Variants in RBFOX1 observed in about 807,000 individuals in gnomAD.
The protein encoded by RBFOX1 is RNA binding fox-1 homolog 1.
In RBFOX1, 8 loss-of-function variants were observed where a neutral mutation model predicts 57.7. That is an observed-to-expected ratio of 0.14 (90% CI 0.08 to 0.25). The LOEUF is 0.25. Among genes scored for constraint, RBFOX1 ranks in the 10% least tolerant of loss-of-function variants. The probability of loss-of-function intolerance (pLI) is 1.00; values close to 1 mark genes in which losing one functional copy is unlikely to be tolerated. For missense variants in RBFOX1, 611 were observed against 548.5 expected (o/e 1.11, Z -1.14); for synonymous variants, 326 against 222.4 (o/e 1.47, Z -4.15).
chr16:6,827,359 T>A (rs570946002), intron 3 of RBFOX1, among the ~76,000 whole-genome samples: 1 of 152,072 alleles, frequency 6.6e-6, no homozygotes, highest in African/African-American at 2.4e-5. Context: ...AATGGGAAGA[T>A]GTGTTGTGTG....
chr16:7,511,117 G>A (rs62012664), intron 4 of RBFOX1, among the ~76,000 whole-genome samples: 4,324 of 152,316 alleles, frequency 0.028, 75 homozygotes, highest in Non-Finnish European at 0.041. Flanking sequence ...GGACGGCTAC[G>A]AAAGCTGGTA....
At chr16:7,562,103 A>G (rs2090518061) in intron 5 of RBFOX1, among the ~76,000 whole-genome samples, 1 of 152,180 alleles carries the variant, frequency 6.6e-6, no homozygotes, top group African/African-American at 2.4e-5. Flanking sequence ...CTAGAGAACA[A>G]TGCAGCTCAT....
chr16:7,135,634 G>C (rs780746107), intron 4 of RBFOX1, among the ~76,000 whole-genome samples: 3 of 152,260 alleles, frequency 2.0e-5, no homozygotes, highest in Non-Finnish European at 4.4e-5. Flanking sequence ...AATTGCCGCT[G>C]TTCGCGGCAT....
At chr16:7,009,258 T>C (rs1190869152) in intron 3 of RBFOX1, among the ~76,000 whole-genome samples, 1 of 141,644 alleles carries the variant, frequency 7.1e-6, no homozygotes, top group Non-Finnish European at 1.5e-5. Flanking sequence ...CTCTCCTTCC[T>C]CTCCTTCCTC....
chr16:7,450,720 T>A (rs2098845492), intron 4 of RBFOX1, among the ~76,000 whole-genome samples: 1 of 152,060 alleles, frequency 6.6e-6, no homozygotes, highest in South Asian at 2.1e-4. Context: ...CAGGCATGGA[T>A]GCTAATGGTT....
At chr16:7,585,680 C>T (rs1486020687) in intron 6 of RBFOX1, among the ~76,000 whole-genome samples, 3 of 152,164 alleles carry the variant, frequency 2.0e-5, no homozygotes, top group Non-Finnish European at 4.4e-5. Flanking sequence ...ATTGGGCTGT[C>T]TGTATTCAAG....
intron 2 of RBFOX1, among the ~76,000 whole-genome samples, chr16:5,562,817 C>A (rs1047723873): frequency 6.6e-6 from 1 of 152,132 alleles, no homozygotes; most frequent in Non-Finnish European, 1.5e-5. Flanking sequence ...TGGGATTTTA[C>A]AAGAGGAACT....
intron 3 of RBFOX1, among the ~76,000 whole-genome samples, chr16:6,804,599 A>G (rs1464789502): frequency 2.0e-5 from 3 of 152,196 alleles, no homozygotes; most frequent in African/African-American, 4.8e-5. Context: ...TTGGATTAAT[A>G]TCAAGTTTCA....
chr16:7,092,136 C>A (rs1463863587), intron 4 of RBFOX1, among the ~76,000 whole-genome samples: 1 of 152,184 alleles, frequency 6.6e-6, no homozygotes. Context: ...TTATAACATG[C>A]ACACACACCC....
At chr16:6,894,810 T>C (rs2066363029) in intron 3 of RBFOX1, among the ~76,000 whole-genome samples, 1 of 152,240 alleles carries the variant, frequency 6.6e-6, no homozygotes, top group East Asian at 1.9e-4. Flanking sequence ...TTGTATTTTA[T>C]CATTTTAGGT....
At chr16:7,171,938 G>C (rs139400514) in intron 4 of RBFOX1, among the ~76,000 whole-genome samples, 1 of 152,324 alleles carries the variant, frequency 6.6e-6, no homozygotes, top group Non-Finnish European at 1.5e-5. Context: ...TTCCAGAGAG[G>C]AGATGTGGGC....
At chr16:7,252,542 C>A (rs1162086090) in intron 4 of RBFOX1, among the ~76,000 whole-genome samples, 1 of 152,172 alleles carries the variant, frequency 6.6e-6, no homozygotes, top group African/African-American at 2.4e-5. Flanking sequence ...GTTGGAAGAT[C>A]TGACAAAGCT....
intron 4 of RBFOX1, among the ~76,000 whole-genome samples, chr16:5,941,754 G>A (rs552763841): frequency 6.6e-6 from 1 of 152,004 alleles, no homozygotes; most frequent in South Asian, 2.1e-4. Flanking sequence ...AGTTTAGGAA[G>A]ACTAAAACCT....
chr16:6,132,757 G>A (rs2096638422), intron 1 of RBFOX1, among the ~76,000 whole-genome samples: 2 of 152,104 alleles, frequency 1.3e-5, no homozygotes, highest in South Asian at 4.1e-4. Flanking sequence ...GGGAGGCTGA[G>A]GCAGGCGGAT....
chr16:6,938,324 A>T lies in RBFOX1; in HGVS notation c.-15-113733A>T, dbSNP rs1005734640. Reference sequence around the variant, plus strand: ...TCGTCACAAGGAAAGTAAAAATAGTAATTGAAACCGAAGCCTATTGTTGGC... The same window carrying T: ...TCGTCACAAGGAAAGTAAAAATAGTTATTGAAACCGAAGCCTATTGTTGGC... On this transcript the variant is annotated intron_variant, in intron 3 of 15. Coordinates refer to ENST00000550418, the MANE Select transcript of RBFOX1 (RefSeq NM_018723.4). 2.6e-5 allele frequency among the ~76,000 whole-genome samples: 4 copies of T among 152,286 alleles called. No individual in the cohort carries two copies. In the East Asian group the frequency reaches 7.7e-4, roughly 29 times the overall value.
chr16:7,335,521 A>G (rs560629248), intron 4 of RBFOX1, among the ~76,000 whole-genome samples: 6 of 140,404 alleles, frequency 4.3e-5, no homozygotes, highest in South Asian at 4.7e-4. Context: ...CCCTTTTCAT[A>G]TTTTCAAGAG....
intron 4 of RBFOX1, among the ~76,000 whole-genome samples, chr16:7,158,543 G>T (rs1330059373): frequency 6.6e-6 from 1 of 152,158 alleles, no homozygotes; most frequent in African/African-American, 2.4e-5. Flanking sequence ...TGTGTTTACT[G>T]TGTGTATCTA....
At chr16:5,365,316 C>T (rs1474633279) in intron 1 of RBFOX1, among the ~76,000 whole-genome samples, 2 of 152,162 alleles carry the variant, frequency 1.3e-5, no homozygotes, top group East Asian at 3.9e-4. Context: ...TGCAGCCACA[C>T]ATCTCCTCCC....
Position 6,019,512 on chromosome 16 carries a change from T to G in RBFOX1, c.-607T>G. ...CCCAGCCCCCCAGCAGCACCCGCGG[T>G]GGGGCGGGGGCGCTCTGCCAGCCCC... On this transcript the variant is annotated 5_prime_UTR_variant, in exon 1 of 16. Coordinates refer to ENST00000550418, the MANE Select transcript of RBFOX1 (RefSeq NM_018723.4). The surrounding 1 kb of genome is among the most constrained non-coding windows in gnomAD (Gnocchi z 4.2). The G allele has an allele frequency of 1.9e-6, 2 of 1,038,976 alleles. No homozygotes were observed. Among genetic ancestry groups the G allele is most frequent in the Non-Finnish European group, 1.2e-6 (1 of 864,996 alleles). 64.4% of individuals were successfully genotyped at this position (1,038,976 alleles called of 1,614,324 possible).
Sources: gnomAD v4.1 joint callset for allele counts (sites outside exome capture counted in the v4.1 genomes callset) on GRCh38, gnomAD v4.1.1 for gene constraint, Gnocchi (gnomAD v3.1) non-coding constraint, MANE v1.5 for transcripts, NCBI Gene and HGNC (gene_info 2026-07-23, HGNC 2026-07-21) for gene names.